The following AP5M1 variants were observed in gnomAD, a reference collection of about 807,000 sequenced individuals.
The protein encoded by AP5M1 is AP-5 complex subunit mu-1.
Under a neutral mutation model 52.3 loss-of-function variants are expected in AP5M1, and 44 were observed. The ratio of observed to expected loss-of-function variants is 0.84; its 90% CI spans 0.66 to 1.08. The LOEUF (loss-of-function observed/expected upper bound fraction) is 1.08, where lower values mean the gene tolerates loss of function less well. Ranked by LOEUF, AP5M1 falls within the 50% of genes least tolerant of loss-of-function variation. The pLI, the probability that AP5M1 is intolerant of heterozygous loss-of-function variation, is 0.00. For missense variants in AP5M1, 526 were observed against 568.4 expected (o/e 0.93, Z 0.76); for synonymous variants, 213 against 199.0 (o/e 1.07, Z -0.59).
Position 57,290,791 on chromosome 14 carries a change from T to G in AP5M1, c.*1907T>G, listed in dbSNP as rs1885419241. The G allele has an allele frequency of 6.6e-6, 1 of 151,916 alleles. No individual in the cohort carries two copies. Among genetic ancestry groups the G allele is most frequent in the East Asian group, 1.9e-4 (1 of 5,190 alleles). 9.4% of individuals were successfully genotyped at this position (151,916 alleles called of 1,614,324 possible). On this transcript the variant is annotated 3_prime_UTR_variant, in exon 8 of 8. Coordinates refer to ENST00000261558, the MANE Select transcript of AP5M1 (RefSeq NM_018229.4). Reference sequence around the variant, plus strand: ...TCAGCTGGGCACACTGTGATGCTTTTGATTTTGTCTAGAAACCTGTCACTT... The same window carrying G: ...TCAGCTGGGCACACTGTGATGCTTTGGATTTTGTCTAGAAACCTGTCACTT...
intron 6 of AP5M1, among the ~76,000 whole-genome samples, chr14:57,284,190 A>G (rs1359350679): frequency 6.6e-6 from 1 of 152,260 alleles, no homozygotes; most frequent in Non-Finnish European, 1.5e-5. Flanking sequence ...TAATGCATGA[A>G]TATGAAGACT....
In AP5M1 at chr14:57,289,192, C is replaced by T. The variant is rs2139698955; in HGVS notation, c.*308C>T. The T allele has an allele frequency of 5.4e-6, 1 of 185,406 alleles. No individual in the cohort carries two copies. Among genetic ancestry groups the T allele is most frequent in the Non-Finnish European group, 1.1e-5 (1 of 90,884 alleles). 11.5% of individuals were successfully genotyped at this position (185,406 alleles called of 1,614,324 possible). ...CTGCCACACTTGTTTCCTAGTGTTT[C>T]TGTGGCAGACATTGCTAATCAATTA... On this transcript the variant is annotated 3_prime_UTR_variant, in exon 8 of 8. Transcript: ENST00000261558.
chr14:57,272,922 T>A (rs932108855), intron 1 of AP5M1, among the ~76,000 whole-genome samples: 1 of 152,124 alleles, frequency 6.6e-6, no homozygotes, highest in African/African-American at 2.4e-5. Context: ...CTTGGTGTTT[T>A]TCTTTTTGTT....
intron 1 of AP5M1, among the ~76,000 whole-genome samples, chr14:57,271,601 G>A (rs1384358613): frequency 6.6e-6 from 1 of 151,308 alleles, no homozygotes; most frequent in East Asian, 1.9e-4. Context: ...TTTTTAGATA[G>A]TACAGATATT....
In AP5M1 at chr14:57,298,129, G is replaced by C. The variant is rs1175963293; in HGVS notation, c.*9245G>C. 2.0e-5 allele frequency: 3 copies of C among 152,056 alleles called. No individual in the cohort carries two copies. Among genetic ancestry groups the C allele is most frequent in the Non-Finnish European group, 4.4e-5 (3 of 68,022 alleles). 9.4% of individuals were successfully genotyped at this position (152,056 alleles called of 1,614,324 possible). On this transcript the variant is annotated 3_prime_UTR_variant, in exon 8 of 8. Transcript: ENST00000261558. ...ACTCGTATCTTAGAAATGTCCTTCC[G>C]AAACTCACTCTACAACAGCTTTGTG... is the stretch of plus-strand genomic sequence containing the variant.
At chr14:57,272,000 C>T (rs1431121431) in intron 1 of AP5M1, among the ~76,000 whole-genome samples, 1 of 152,148 alleles carries the variant, frequency 6.6e-6, no homozygotes, top group African/African-American at 2.4e-5. Context: ...CTTTGTCTTT[C>T]TTGTACCAAT....
chr14:57,273,480 G>C (rs1250925129), intron 1 of AP5M1, among the ~76,000 whole-genome samples: 1 of 152,088 alleles, frequency 6.6e-6, no homozygotes, highest in Non-Finnish European at 1.5e-5. Context: ...AAGGAATGAG[G>C]AAAAGTACAT....
In AP5M1 at chr14:57,297,487, G is replaced by C. The variant is rs1885576652; in HGVS notation, c.*8603G>C. ...CAACTATCCTAATGTGTAGTCAATT[G>C]ATAAACTAAATTTTTCTTTAGGATA... On this transcript the variant is annotated 3_prime_UTR_variant, in exon 8 of 8. Transcript: ENST00000261558. 1 of 152,046 alleles carries C rather than the reference G, an allele frequency of 6.6e-6. No homozygotes were observed. Among genetic ancestry groups the C allele is most frequent in the South Asian group, 2.1e-4 (1 of 4,826 alleles). The allele number at this position is 152,046 out of a possible 1,614,324, so 9.4% of individuals were successfully genotyped here. A position where few individuals can be genotyped will look rare whatever the true frequency, so the allele number is the denominator to read the frequency against.
At chr14:57,269,765 A>G (rs1459506523) in intron 1 of AP5M1, among the ~76,000 whole-genome samples, 1 of 152,224 alleles carries the variant, frequency 6.6e-6, no homozygotes, top group Non-Finnish European at 1.5e-5. Flanking sequence ...ATTTTAACTT[A>G]TTCTACTGAA....
chr14:57,285,391 A>G (rs1029220812), intron 6 of AP5M1, among the ~76,000 whole-genome samples: 1 of 152,238 alleles, frequency 6.6e-6, no homozygotes. Flanking sequence ...CATGTAGCAC[A>G]TATTTTTGTT....
At chr14:57,275,193 A>G (rs1052777120) in intron 2 of AP5M1, 6 of 384,290 alleles carry the variant, frequency 1.6e-5, no homozygotes, top group Non-Finnish European at 2.9e-5. Flanking sequence ...AGTTGCAGTC[A>G]AGTTTTCAGT....
At chr14:57,284,954 G>A (rs142816987) in intron 6 of AP5M1, among the ~76,000 whole-genome samples, 196 of 152,094 alleles carry the variant, frequency 1.3e-3, no homozygotes, top group Non-Finnish European at 2.5e-3. Flanking sequence ...TTAAGAGAAG[G>A]CTCAGCTGTA....
rs1443244566 is a variant in AP5M1 at position 57,274,241 on chromosome 14, C to T, written c.75-3C>T. 6.3e-7 allele frequency: 1 copy of T among 1,586,986 alleles called. No individual in the cohort carries two copies. Among genetic ancestry groups the T allele is most frequent in the African/African-American group, 1.4e-5 (1 of 73,706 alleles). On this transcript the variant is annotated splice_polypyrimidine_tract_variant and splice_region_variant and intron_variant, in intron 1 of 7. Transcript: ENST00000261558. ...TTATAATGTTTCTGTTTCCGTAATG[C>T]AGACGGTATCCAACTGTTGAAAAAC...
In AP5M1 at chr14:57,292,689, A is replaced by C. The variant is rs190605236; in HGVS notation, c.*3805A>C. On this transcript the variant is annotated 3_prime_UTR_variant, in exon 8 of 8. Coordinates refer to ENST00000261558, the MANE Select transcript of AP5M1 (RefSeq NM_018229.4). ...TTAACTGGCCTTGACATAACCAAAAATCAAAGCAGTGGCTACAACTTAGAC... is the reference window on the plus strand; with the variant it reads ...TTAACTGGCCTTGACATAACCAAAACTCAAAGCAGTGGCTACAACTTAGAC... 12 of 151,852 alleles carry C rather than the reference A, an allele frequency of 7.9e-5. No homozygotes were observed. The East Asian group carries it at 2.3e-3, about 29-fold the overall frequency. The allele number at this position is 151,852 out of a possible 1,614,324, so 9.4% of individuals were successfully genotyped here.
At chr14:57,271,602 T>C (rs1183922664) in intron 1 of AP5M1, among the ~76,000 whole-genome samples, 1 of 151,302 alleles carries the variant, frequency 6.6e-6, no homozygotes, top group African/African-American at 2.5e-5. Flanking sequence ...TTTTAGATAG[T>C]ACAGATATTT....
Position 57,288,970 on chromosome 14 carries a change from C to A in AP5M1, c.*86C>A. 2 of 757,048 alleles carry A rather than the reference C, an allele frequency of 2.6e-6. No homozygotes were observed. The highest frequency in any genetic ancestry group is 4.2e-6 in the Non-Finnish European group (2 of 471,078). 46.9% of individuals were successfully genotyped at this position (757,048 alleles called of 1,614,324 possible). On this transcript the variant is annotated 3_prime_UTR_variant, in exon 8 of 8. Coordinates refer to ENST00000261558, the MANE Select transcript of AP5M1 (RefSeq NM_018229.4). ...TATTTTTAATGTGGATGCATATAAC[C>A]TGTGAGTGAAAAATCACTGAATGAT...
chr14:57,277,998 A>G (rs917565342), intron 2 of AP5M1, among the ~76,000 whole-genome samples: 4 of 152,184 alleles, frequency 2.6e-5, no homozygotes, highest in African/African-American at 7.2e-5. Flanking sequence ...AGAGTTCACT[A>G]ACTCTTAAAA....
At chr14:57,275,311 G>T (rs1201708421) in intron 2 of AP5M1, 2 of 231,256 alleles carry the variant, frequency 8.6e-6, no homozygotes, top group Non-Finnish European at 1.7e-5. Context: ...GAAGGCCTTA[G>T]TTCCTTTCCA....
rs764844197 is a variant in AP5M1 at position 57,283,096 on chromosome 14, T to C, written c.1175-16T>C. 2 of 1,594,948 alleles carry C rather than the reference T, an allele frequency of 1.3e-6. No homozygotes were observed. Among genetic ancestry groups the C allele is most frequent in the Non-Finnish European group, 1.7e-6 (2 of 1,166,716 alleles). On this transcript the variant is annotated splice_polypyrimidine_tract_variant and intron_variant, in intron 5 of 7. Transcript: ENST00000261558. ...TACTTAATTTAGAATTGTTTATTGGTATATTTGTGTTTTAGGCCAGAAGTT... is the reference window on the plus strand; with the variant it reads ...TACTTAATTTAGAATTGTTTATTGGCATATTTGTGTTTTAGGCCAGAAGTT...
Sources: gnomAD v4.1 joint callset for allele counts (sites outside exome capture counted in the v4.1 genomes callset) on GRCh38, gnomAD v4.1.1 for gene constraint, MANE v1.5 for transcripts, NCBI Gene and HGNC (gene_info 2026-07-23, HGNC 2026-07-21) for gene names.